The following RFPL1 variants were observed in gnomAD, a reference collection of about 807,000 sequenced individuals.
RFPL1 encodes ret finger protein like 1.
Under a neutral mutation model 9.6 loss-of-function variants are expected in RFPL1, and 6 were observed. That is an observed-to-expected ratio of 0.62 (90% CI 0.34 to 1.23). RFPL1 has a LOEUF of 1.23. Ranked by LOEUF, RFPL1 falls within the 50% of genes most tolerant of loss-of-function variation. RFPL1 has a pLI of 0.03. For synonymous variants in RFPL1, 145 were observed against 149.4 expected (o/e 0.97, Z 0.22); for missense variants, 352 against 398.4 (o/e 0.88, Z 0.99).
At chr22:29,433,594 C>T (rs918071857), upstream of RFPL1, 1 of 157,432 alleles carries the variant, frequency 6.4e-6, no homozygotes, top group African/African-American at 2.4e-5. Context: ...CCACCAACAG[C>T]CTTGGAAAAA....
At chr22:29,393,488 T>A in the RFPL1 span, among the ~76,000 whole-genome samples, 1 of 152,168 alleles carries the variant, frequency 6.6e-6, no homozygotes, top group Non-Finnish European at 1.5e-5. Flanking sequence ...GGAACTTCCC[T>A]CTCTGCCCCC....
chr22:29,441,482 A>G, intron 1 of RFPL1, 60 bp from the exon 2 acceptor site: 1 of 1,537,996 alleles, frequency 6.5e-7, no homozygotes, highest in Non-Finnish European at 8.8e-7. Context: ...TTTGAAGTAG[A>G]GGAGAGGCAT....
chr22:29,439,064 G>C, exon 1 of RFPL1: 1 of 1,614,078 alleles, frequency 6.2e-7, no homozygotes. Flanking sequence ...ACAAAATCAG[G>C]CCCAGTTGGC....
At chr22:29,391,956 G>A in the RFPL1 span, among the ~76,000 whole-genome samples, 1 of 152,250 alleles carries the variant, frequency 6.6e-6, no homozygotes, top group Non-Finnish European at 1.5e-5. Flanking sequence ...CAAGTCACAA[G>A]TGTGACTGAT....
At chr22:29,432,380 T>A in the RFPL1 span, among the ~76,000 whole-genome samples, 1 of 152,226 alleles carries the variant, frequency 6.6e-6, no homozygotes, top group Admixed American at 6.5e-5. Context: ...CACCTGGAAC[T>A]GTTTGTTTTC....
the RFPL1 span, among the ~76,000 whole-genome samples, chr22:29,424,419 A>G: frequency 6.6e-6 from 1 of 152,120 alleles, no homozygotes; most frequent in African/African-American, 2.4e-5. Flanking sequence ...CTTCACCCAC[A>G]TTACCTCATT....
At chr22:29,424,984 C>A in the RFPL1 span, among the ~76,000 whole-genome samples, 1 of 151,922 alleles carries the variant, frequency 6.6e-6, no homozygotes, top group African/African-American at 2.4e-5. Flanking sequence ...GCGGGCGGAT[C>A]ACGAGGTCAG....
the RFPL1 span, chr22:29,423,092 G>A: frequency 0.41 from 452,760 of 1,102,002 alleles, 91,931 homozygotes; most frequent in East Asian, 0.72. Context: ...AAGAGAAAGC[G>A]TAGGACAAGG....
At chr22:29,437,423 T>C, upstream of RFPL1, 2 of 531,484 alleles carry the variant, frequency 3.8e-6, no homozygotes, top group Non-Finnish European at 6.6e-6. Flanking sequence ...AAATAAGCTT[T>C]TGAAGTTAGT....
the RFPL1 span, among the ~76,000 whole-genome samples, chr22:29,389,795 T>C: frequency 1.4e-5 from 1 of 73,752 alleles, no homozygotes; most frequent in African/African-American, 4.9e-5. Context: ...AGATCATTTG[T>C]TTTTTTTTGT....
chr22:29,418,735 A>G, the RFPL1 span, among the ~76,000 whole-genome samples: 1 of 151,914 alleles, frequency 6.6e-6, no homozygotes, highest in Non-Finnish European at 1.5e-5. Flanking sequence ...CCTGACCTCG[A>G]GATCCGCCCA....
At chr22:29,421,224 A>G in the RFPL1 span, among the ~76,000 whole-genome samples, 2 of 152,110 alleles carry the variant, frequency 1.3e-5, no homozygotes, top group African/African-American at 4.8e-5. Flanking sequence ...TGGAGCATTG[A>G]ACCCAGGCAT....
At chr22:29,416,291 C>A in the RFPL1 span, among the ~76,000 whole-genome samples, 1 of 152,134 alleles carries the variant, frequency 6.6e-6, no homozygotes, top group Admixed American at 6.5e-5. Context: ...GTTGTGGACA[C>A]CCTGCTGAGC....
the RFPL1 span, among the ~76,000 whole-genome samples, chr22:29,419,471 C>T: frequency 1.3e-5 from 2 of 151,798 alleles, no homozygotes; most frequent in Non-Finnish European, 2.9e-5. Context: ...ACTTGTAGGC[C>T]GGGTGCAGTC....
chr22:29,407,827 T>C, the RFPL1 span, among the ~76,000 whole-genome samples: 1 of 152,258 alleles, frequency 6.6e-6, no homozygotes, highest in Non-Finnish European at 1.5e-5. Flanking sequence ...TTACTGATCT[T>C]TTCAAACAAC....
At chr22:29,418,856 A>C in the RFPL1 span, among the ~76,000 whole-genome samples, 1 of 152,134 alleles carries the variant, frequency 6.6e-6, no homozygotes, top group Non-Finnish European at 1.5e-5. Flanking sequence ...CCTCTTCCCC[A>C]GCCAGTACTG....
chr22:29,439,365 G>A, intron 1 of RFPL1: 2 of 794,652 alleles, frequency 2.5e-6, no homozygotes, highest in South Asian at 1.9e-5. Context: ...TGGGCATGGT[G>A]GCTCATGCCT....
At chr22:29,396,076 GAGAAA>G in the RFPL1 span, among the ~76,000 whole-genome samples, 3 of 151,780 alleles carry the variant, frequency 2.0e-5, no homozygotes, top group Non-Finnish European at 4.4e-5. Context: ...GAGAAGATAA[GAGAAA>G]AGAGAAGAGA....
the RFPL1 span, among the ~76,000 whole-genome samples, chr22:29,396,953 C>A: frequency 7.8e-6 from 1 of 128,438 alleles, no homozygotes; most frequent in Non-Finnish European, 1.5e-5. Context: ...GTCGCCCAGG[C>A]TGGAGTGCAG....
Sources: allele counts gnomAD v4.1 joint callset (sites outside exome capture counted in the v4.1 genomes callset), GRCh38; gene constraint gnomAD v4.1.1; transcripts MANE v1.5; gene names NCBI Gene and HGNC (gene_info 2026-07-23, HGNC 2026-07-21).